Variants in SLC5A4 observed in about 807,000 individuals in gnomAD.
SLC5A4 encodes the protein solute carrier family 5 member 4.
A neutral mutation model predicts 70.3 loss-of-function variants in SLC5A4; 55 were observed. The observed-to-expected ratio is 0.78, with a 90% CI of 0.63 to 0.98. SLC5A4 has a LOEUF of 0.98. Among genes scored for constraint, SLC5A4 ranks in the 50% least tolerant of loss-of-function variants. The probability of loss-of-function intolerance (pLI) is 0.00; values close to 1 mark genes in which losing one functional copy is unlikely to be tolerated. For synonymous variants in SLC5A4, 268 were observed against 305.7 expected, an observed-to-expected ratio of 0.88 and a Z score of 1.29; for missense variants, 735 against 839.2, an observed-to-expected ratio of 0.88 and a Z score of 1.53.
the SLC5A4 span, among the ~76,000 whole-genome samples, chr22:32,335,250 A>ACAGCTCAAGCCAGCTCAAGC: frequency 6.6e-6 from 1 of 152,182 alleles, no homozygotes; most frequent in African/African-American, 2.4e-5. Context: ...CACGTCTCAG[A>ACAGCTCAAGCCAGCTCAAGC]CAGCTCAAGC....
the SLC5A4 span, among the ~76,000 whole-genome samples, chr22:32,274,276 G>A: frequency 1.4e-4 from 21 of 152,106 alleles, no homozygotes; most frequent in South Asian, 4.4e-3. Context: ...TCCTGACCTC[G>A]TGCTCCTCCC....
the SLC5A4 span, among the ~76,000 whole-genome samples, chr22:32,332,372 C>T: frequency 5.9e-5 from 9 of 152,342 alleles, no homozygotes; most frequent in Admixed American, 1.3e-4. Context: ...TGCCTCAGTG[C>T]CTCTGCACAT....
At chr22:32,232,135 C>A (rs1275601658) in intron 9 of SLC5A4, among the ~76,000 whole-genome samples, 4 of 152,288 alleles carry the variant, frequency 2.6e-5, no homozygotes, top group Admixed American at 1.3e-4. Flanking sequence ...CCTGCCTCAG[C>A]CTCCCAAGTG....
At chr22:32,289,821 G>A in the SLC5A4 span, among the ~76,000 whole-genome samples, 3 of 152,212 alleles carry the variant, frequency 2.0e-5, no homozygotes, top group African/African-American at 7.2e-5. Context: ...TGCTGATTCT[G>A]TCTTATTGTC....
the SLC5A4 span, among the ~76,000 whole-genome samples, chr22:32,333,345 A>G: frequency 1.3e-5 from 2 of 152,126 alleles, no homozygotes; most frequent in Non-Finnish European, 2.9e-5. Flanking sequence ...GCATGACCTC[A>G]GTGAGGTTTT....
At chr22:32,329,668 G>A in the SLC5A4 span, among the ~76,000 whole-genome samples, 1 of 96,156 alleles carries the variant, frequency 1.0e-5, no homozygotes, top group African/African-American at 4.3e-5. Context: ...TCTGGTGTGT[G>A]TGTGTTGGGG....
At chr22:32,325,002 G>A in the SLC5A4 span, among the ~76,000 whole-genome samples, 6 of 152,216 alleles carry the variant, frequency 3.9e-5, no homozygotes, top group African/African-American at 1.4e-4. Context: ...TGTGGCCATC[G>A]ACTCCTGCCA....
chr22:32,353,876 G>A, the SLC5A4 span, among the ~76,000 whole-genome samples: 39 of 150,570 alleles, frequency 2.6e-4, 1 homozygote, highest in African/African-American at 6.6e-4. Flanking sequence ...CACCCAAACC[G>A]CCCCCCAACT....
At chr22:32,328,602 A>G in the SLC5A4 span, among the ~76,000 whole-genome samples, 1 of 150,718 alleles carries the variant, frequency 6.6e-6, no homozygotes, top group Non-Finnish European at 1.5e-5. Flanking sequence ...TATCCTCCCC[A>G]GCAGTGCCTT....
chr22:32,314,409 TTAA>T, the SLC5A4 span, among the ~76,000 whole-genome samples: 1 of 152,208 alleles, frequency 6.6e-6, no homozygotes, highest in Non-Finnish European at 1.5e-5. Context: ...CTGTAGGGGC[TTAA>T]TAATGTTTAT....
At chr22:32,298,167 G>C in the SLC5A4 span, among the ~76,000 whole-genome samples, 16 of 147,608 alleles carry the variant, frequency 1.1e-4, 3 homozygotes, top group Admixed American at 1.0e-3. Flanking sequence ...ATGTCTGCTA[G>C]GTCCGCTTGG....
chr22:32,334,776 CG>C, the SLC5A4 span, among the ~76,000 whole-genome samples: 30 of 152,296 alleles, frequency 2.0e-4, no homozygotes, highest in African/African-American at 7.0e-4. Context: ...ACACACTGAT[CG>C]GGGGACACAT....
At chr22:32,324,278 T>TATACACACATATATGTATATATATATAC in the SLC5A4 span, among the ~76,000 whole-genome samples, 1 of 151,656 alleles carries the variant, frequency 6.6e-6, no homozygotes, top group Non-Finnish European at 1.5e-5. Context: ...TATATATATA[T>TATACACACATATATGTATATATATATAC]ACACACATAT....
chr22:32,275,151 A>G, the SLC5A4 span, among the ~76,000 whole-genome samples: 1 of 152,208 alleles, frequency 6.6e-6, no homozygotes, highest in African/African-American at 2.4e-5. Context: ...TGGAGATACA[A>G]AAGAAAAATC....
chr22:32,247,457 T>G lies in SLC5A4; in HGVS notation c.431A>C (p.Tyr144Ser). ...KRFGGERLQV[Y>S]LSILSLFICV... ...GATGAAGAGGGAGAGGATGGAGAGG[T>G]AGACCTGGAGTCGCTCCCCACCAAA... is the stretch of plus-strand genomic sequence containing the variant. The change falls in exon 5 of 15, where the codon TAC becomes TCC. Residue 144 changes from tyrosine (Y) to serine (S), a missense_variant. Transcript: ENST00000266086. 6.2e-7 allele frequency: 1 copy of G among 1,613,650 alleles called. No individual in the cohort carries two copies. The highest frequency in any genetic ancestry group is 8.5e-7 in the Non-Finnish European group (1 of 1,179,710).
At chr22:32,230,894 T>G in intron 10 of SLC5A4, 74 bp downstream of exon 10, 1 of 870,672 alleles carries the variant, frequency 1.1e-6, no homozygotes, top group South Asian at 1.4e-5. Context: ...GGTGCAAGAA[T>G]TGCACCATAA....
the SLC5A4 span, among the ~76,000 whole-genome samples, chr22:32,290,273 G>A: frequency 5.3e-5 from 8 of 151,866 alleles, no homozygotes; most frequent in Admixed American, 2.6e-4. Flanking sequence ...GACAGGCCCC[G>A]GTGTGTGATG....
At chr22:32,289,593 T>C in the SLC5A4 span, among the ~76,000 whole-genome samples, 1 of 152,210 alleles carries the variant, frequency 6.6e-6, no homozygotes, top group African/African-American at 2.4e-5. Context: ...CTCAGCTTCC[T>C]GAGTAGCTGG....
chr22:32,345,116 A>G, the SLC5A4 span, among the ~76,000 whole-genome samples: 1 of 152,314 alleles, frequency 6.6e-6, no homozygotes, highest in South Asian at 2.1e-4. Context: ...CAAAAGCTGT[A>G]AGAAAAAAAG....
Sources: allele counts gnomAD v4.1 joint callset (sites outside exome capture counted in the v4.1 genomes callset), GRCh38; gene constraint gnomAD v4.1.1; transcripts MANE v1.5; gene names NCBI Gene and HGNC (gene_info 2026-07-23, HGNC 2026-07-21).